Variants in DICER1 observed in about 807,000 individuals in gnomAD.
DICER1 encodes the protein endoribonuclease Dicer.
In DICER1, 43 loss-of-function variants were observed where a neutral mutation model predicts 194.1. The observed-to-expected ratio is 0.22, with a 90% CI of 0.17 to 0.29. The LOEUF (loss-of-function observed/expected upper bound fraction) is 0.29, where lower values mean the gene tolerates loss of function less well. DICER1 is among the 10% of genes least tolerant of loss of function. The pLI is 1.00. For missense variants in DICER1, 1,608 were observed against 2,317.0 expected, an observed-to-expected ratio of 0.69 and a Z score of 6.28; for synonymous variants, 832 against 820.5, an observed-to-expected ratio of 1.01 and a Z score of -0.24.
In DICER1 at chr14:95,096,299, T is replaced by G. The variant is rs886037718; in HGVS notation, c.4621A>C (p.Lys1541Gln). Residue 1541 changes from lysine (K) to glutamine (Q), a missense_variant, in exon 23 of 27, where the codon AAG becomes CAG. By Grantham distance (53) the Lys-to-Gln change is moderately conservative. Transcript: ENST00000343455. ...TGCAAGTCGTAAGAAATGGACTGCT[T>G]TCCCGTGTCAACACCACAGTTTTCT... ...SEENCGVDTG[K>Q]QSISYDLHTE... 6.2e-7 allele frequency: 1 copy of G among 1,614,204 alleles called. No individual in the cohort carries two copies.
At chr14:95,119,112 AT>A (rs1355331051) in intron 8 of DICER1, among the ~76,000 whole-genome samples, 1 of 152,250 alleles carries the variant, frequency 6.6e-6, no homozygotes, top group Non-Finnish European at 1.5e-5. Context: ...GAAATAATAC[AT>A]ACTTCCAAAT....
chr14:95,125,831 AAGAC>A (rs1202465675), intron 7 of DICER1, among the ~76,000 whole-genome samples: 4 of 150,500 alleles, frequency 2.7e-5, no homozygotes, highest in South Asian at 4.3e-4. Flanking sequence ...AGAGGAAAAA[AAGAC>A]AGGAAAGAAA....
Position 95,116,629 on chromosome 14 carries a change from C to T in DICER1, c.1576G>A (p.Val526Ile), listed in dbSNP as rs1060503660. 17 of 1,613,740 alleles carry T rather than the reference C, an allele frequency of 1.1e-5. No individual in the cohort carries two copies. Among genetic ancestry groups the T allele is most frequent in the Non-Finnish European group, 1.4e-5 (16 of 1,179,926 alleles). ...LIATSIVEEGVDIPKCNLVVR... is the reference protein window; with the variant it reads ...LIATSIVEEGIDIPKCNLVVR... ...ACCAAGTTGCATTTTGGTATATCAA[C>T]ACCCTCTTCTACAATACTTGTTGCA... Residue 526 changes from valine to isoleucine, a missense_variant, in exon 10 of 27, where the codon GTT becomes ATT. Physicochemically the swap from Val to Ile is conservative, Grantham distance 29 (BLOSUM62 3). Around this residue, in one of 10 missense-constraint regions of DICER1, gnomAD observed 657 missense variants for 910.1 expected, o/e 0.72. Transcript: ENST00000343455.
intron 1 of DICER1, among the ~76,000 whole-genome samples, chr14:95,136,086 T>TACACAC (rs144415862): frequency 0.081 from 11,891 of 146,534 alleles, 714 homozygotes; most frequent in African/African-American, 0.17. Flanking sequence ...TACATGTAGA[T>TACACAC]ACACACACAC....
Position 95,104,887 on chromosome 14 carries a change from C to T in DICER1, c.3269+184G>A, listed in dbSNP as rs111429680. Among the ~76,000 whole-genome samples, 274 of 152,326 alleles carry T rather than the reference C, an allele frequency of 1.8e-3. 1 individual carries two copies. Among genetic ancestry groups the T allele is most frequent in the African/African-American group, 6.3e-3 (263 of 41,568 alleles). ...CTCACTCCAACTGTTATGGCTTAAGCAGTAATGGTTATTTCTGACCTCAGA... is the reference window on the plus strand; with the variant it reads ...CTCACTCCAACTGTTATGGCTTAAGTAGTAATGGTTATTTCTGACCTCAGA... On this transcript the variant is annotated intron_variant, in intron 20 of 26. Transcript: ENST00000343455.
rs1595410332 is a variant in DICER1, at chr14:95,116,457, T to C, written c.1748A>G (p.Glu583Gly). The change falls in exon 10 of 27, where the codon GAA becomes GGA. Residue 583 changes from glutamate (E) to glycine (G), a missense_variant. Glu to Gly is a moderately conservative substitution (Grantham distance 98). Transcript: ENST00000343455. ...EEDLKTYKAI[E>G]KILRNKCSKS... ...ATGTTAATATGTTGATCTTACCTTT[T>C]CAATAGCTTTGTAGGTTTTAAGGTC... 6.2e-7 allele frequency: 1 copy of C among 1,611,580 alleles called. No individual in the cohort carries two copies. Among genetic ancestry groups the C allele is most frequent in the Non-Finnish European group, 8.5e-7 (1 of 1,179,908 alleles).
rs1183252786 is a variant in DICER1 at position 95,089,639 on chromosome 14, T to C, written c.*859A>G. On this transcript the variant is annotated 3_prime_UTR_variant, in exon 27 of 27. Coordinates refer to ENST00000343455, the MANE Select transcript of DICER1 (RefSeq NM_177438.3). ...TAAAAAATATCCGTAGACTACATAT[T>C]CTGGTTTTTAAAATGTCTTCAGTAT... 4.3e-6 allele frequency: 1 copy of C among 231,472 alleles called. No individual in the cohort carries two copies. Among genetic ancestry groups the C allele is most frequent in the Non-Finnish European group, 8.5e-6 (1 of 117,056 alleles). The allele number at this position is 231,472 out of a possible 1,614,324, so 14.3% of individuals were successfully genotyped here.
chr14:95,125,295 C>A (rs1222537589), intron 7 of DICER1, among the ~76,000 whole-genome samples: 2 of 151,758 alleles, frequency 1.3e-5, no homozygotes, highest in African/African-American at 4.8e-5. Context: ...ACTGGGGCAG[C>A]CTCCACACAC....
Position 95,131,499 on chromosome 14 carries a change from C to T in DICER1, c.438+10G>A, listed in dbSNP as rs1595462642. ...GGATTTATAAAGTGAAATTTCTCTA[C>T]AAGTCTTACCTGGTGCTTAGTAAAC... is the stretch of plus-strand genomic sequence containing the variant. On this transcript the variant is annotated intron_variant, in intron 4 of 26. Coordinates refer to ENST00000343455, the MANE Select transcript of DICER1 (RefSeq NM_177438.3). The T allele has an allele frequency of 3.1e-6, 5 of 1,612,378 alleles. No individual in the cohort carries two copies. The South Asian group carries it at 3.3e-5, about 11-fold the overall frequency.
At chr14:95,129,373 C>A in intron 6 of DICER1, 99 bp downstream of exon 6, 1 of 1,160,686 alleles carries the variant, frequency 8.6e-7, no homozygotes. Context: ...CATTTGTTCA[C>A]TTAAATAGGT....
At chr14:95,100,361 G>A (rs1890767672) in intron 21 of DICER1, among the ~76,000 whole-genome samples, 1 of 152,188 alleles carries the variant, frequency 6.6e-6, no homozygotes, top group Non-Finnish European at 1.5e-5. Context: ...GAAATGGGGG[G>A]AGGATGCCAT....
chr14:95,120,842 T>C (rs1287948610), intron 8 of DICER1, among the ~76,000 whole-genome samples: 3 of 152,138 alleles, frequency 2.0e-5, no homozygotes, highest in Non-Finnish European at 4.4e-5. Flanking sequence ...CAAATACATA[T>C]AGATATATCC....
At chr14:95,151,950 C>G (rs980297311) in intron 1 of DICER1, among the ~76,000 whole-genome samples, 1 of 152,226 alleles carries the variant, frequency 6.6e-6, no homozygotes, top group Non-Finnish European at 1.5e-5. Flanking sequence ...AATCAAAGAA[C>G]CTTCCTACAT....
At chr14:95,143,094 G>GA (rs1230647335) in intron 1 of DICER1, among the ~76,000 whole-genome samples, 1 of 151,710 alleles carries the variant, frequency 6.6e-6, no homozygotes, top group Non-Finnish European at 1.5e-5. Context: ...TAAACAAATG[G>GA]AAAAAAACCA....
In DICER1 at chr14:95,157,443, G is replaced by C. The variant is rs1389192220; in HGVS notation, c.-259C>G. 6.6e-6 allele frequency: 1 copy of C among 152,506 alleles called. No individual in the cohort carries two copies. The highest frequency in any genetic ancestry group is 2.4e-5 in the African/African-American group (1 of 41,406). The allele number at this position is 152,506 out of a possible 1,614,324, so 9.4% of individuals were successfully genotyped here. A position where few individuals can be genotyped will look rare whatever the true frequency, so the allele number is the denominator to read the frequency against. On this transcript the variant is annotated 5_prime_UTR_variant, in exon 1 of 27. Coordinates refer to ENST00000343455, the MANE Select transcript of DICER1 (RefSeq NM_177438.3). The stretch of plus-strand genomic sequence containing the variant: ...CTCCGCCTCGACCCCTCCCGCCGGC[G>C]CCTGCGGAGACTGCGCAGCGCCCGG...
At position 95,132,576 on chromosome 14, in the gene DICER1, G is replaced by C. The variant is rs111483821; in HGVS notation, c.246C>G (p.Ser82=). The C allele has an allele frequency of 6.2e-7, 1 of 1,613,948 alleles. No individual in the cohort carries two copies. The highest frequency in any genetic ancestry group is 8.5e-7 in the Non-Finnish European group (1 of 1,179,924). Residue 82 remains serine (S), a synonymous_variant, in exon 3 of 27, where the codon TCC becomes TCG. Transcript: ENST00000343455. ...TGCTGAAGTCTCCCCTGATCTGATA[G>C]GACAGCTCTTTAGTGAGTAGTACTG... is the stretch of plus-strand genomic sequence containing the variant. ...FIAVLLTKEL[S]YQIRGDFSRN... is the part of the protein sequence containing the mutation.
Position 95,105,002 on chromosome 14 carries a change from C to G in DICER1, c.3269+69G>C, listed in dbSNP as rs1041591486. 1 of 1,437,360 alleles carries G rather than the reference C, an allele frequency of 7.0e-7. No individual in the cohort carries two copies. Among genetic ancestry groups the G allele is most frequent in the Non-Finnish European group, 9.8e-7 (1 of 1,022,210 alleles). The allele number at this position is 1,437,360 out of a possible 1,614,324, so 89.0% of individuals were successfully genotyped here. On this transcript the variant is annotated intron_variant, in intron 20 of 26. Transcript: ENST00000343455. This position sits in a 1 kb window ranked among gnomAD's most constrained non-coding sequence, Gnocchi z 4.9. ...AGAATTATTTTATATACAATTTTAACTTAATTCTGTTCTTTTGCAAACAGG... is the reference window on the plus strand; with the variant it reads ...AGAATTATTTTATATACAATTTTAAGTTAATTCTGTTCTTTTGCAAACAGG...
At chr14:95,156,960 C>T (rs1895925045) in intron 1 of DICER1, among the ~76,000 whole-genome samples, 1 of 152,152 alleles carries the variant, frequency 6.6e-6, no homozygotes, top group Non-Finnish European at 1.5e-5. Context: ...GCCACGGCGG[C>T]CCGGAAAGTC....
chr14:95,125,506 GAGAGAGGC>G (rs1382302519), intron 7 of DICER1, among the ~76,000 whole-genome samples: 7 of 130,848 alleles, frequency 5.3e-5, no homozygotes, highest in South Asian at 3.2e-4. Flanking sequence ...GAGGGAGAGG[GAGAGAGGC>G]AGAGAGGCAG....
Sources: allele counts gnomAD v4.1 joint callset (sites outside exome capture counted in the v4.1 genomes callset), GRCh38; gene constraint gnomAD v4.1.1; regional missense constraint gnomAD v4.1.1; non-coding constraint Gnocchi (gnomAD v3.1); transcripts MANE v1.5; gene names NCBI Gene and HGNC (gene_info 2026-07-23, HGNC 2026-07-21).